HDAC9: variants seen among roughly 807,000 people sequenced by gnomAD.
HDAC9 encodes histone deacetylase 9, also known as MEF-2 interacting transcription repressor (MITR) protein.
Under a neutral mutation model 139.4 loss-of-function variants are expected in HDAC9, and 41 were observed. That is an observed-to-expected ratio of 0.29 (90% confidence interval 0.23 to 0.38). HDAC9 has a LOEUF of 0.38. HDAC9 is among the 10% of genes least tolerant of loss of function. The pLI is 1.00. For missense variants in HDAC9, 1,147 were observed against 1,297.0 expected (o/e 0.88, Z 1.78); for synonymous variants, 517 against 476.2 (o/e 1.09, Z -1.12).
intron 1 of HDAC9, among the ~76,000 whole-genome samples, chr7:18,108,904 C>T (rs1239627247): frequency 6.6e-6 from 1 of 152,144 alleles, no homozygotes; most frequent in Non-Finnish European, 1.5e-5. Context: ...CAGGTGTGAG[C>T]CACTGCGCCT....
chr7:18,743,647 A>G lies in HDAC9; in HGVS notation c.1910-5358A>G, dbSNP rs559930374. Among the ~76,000 whole-genome samples, 21 of 151,990 alleles carry G rather than the reference A, an allele frequency of 1.4e-4. No individual in the cohort carries two copies. The East Asian group carries it at 2.9e-3, about 21-fold the overall frequency. On this transcript the variant is annotated intron_variant, in intron 13 of 25. Coordinates refer to ENST00000686413, the MANE Select transcript of HDAC9 (RefSeq NM_178425.4). ...TTGCAGATAGTAAAATATAAACTGC[A>G]CTTCAGCCTAGGTGACAGAGTGAGA...
intron 25 of HDAC9, among the ~76,000 whole-genome samples, chr7:18,991,403 G>C (rs1785935093): frequency 6.6e-6 from 1 of 152,198 alleles, no homozygotes; most frequent in African/African-American, 2.4e-5. Context: ...TGCTTTGGGA[G>C]GCCGAGGCGG....
chr7:18,206,913 G>C (rs2128164272), intron 2 of HDAC9, among the ~76,000 whole-genome samples: 1 of 148,180 alleles, frequency 6.7e-6, no homozygotes, highest in Non-Finnish European at 1.5e-5. Context: ...TTCAAAAAAT[G>C]ATTCGAGATA....
At chr7:18,361,095 A>AT (rs372019463) in intron 1 of HDAC9, among the ~76,000 whole-genome samples, 12 of 150,356 alleles carry the variant, frequency 8.0e-5, no homozygotes, top group South Asian at 4.2e-4. Flanking sequence ...TAGCTAGCAA[A>AT]TTTTTTTTTT....
intron 2 of HDAC9, among the ~76,000 whole-genome samples, chr7:18,567,023 A>G (rs2128727628): frequency 6.6e-6 from 1 of 152,320 alleles, no homozygotes; most frequent in African/African-American, 2.4e-5. Context: ...TTTGCTAAAG[A>G]TGAGTTTTTC....
chr7:18,413,731 C>T (rs181369491), intron 1 of HDAC9, among the ~76,000 whole-genome samples: 1 of 152,176 alleles, frequency 6.6e-6, no homozygotes, highest in Admixed American at 6.5e-5. Flanking sequence ...AATCACTATT[C>T]TGTATACTGT....
chr7:18,777,686 C>T (rs1213850220), intron 16 of HDAC9, among the ~76,000 whole-genome samples: 1 of 151,906 alleles, frequency 6.6e-6, no homozygotes, highest in African/African-American at 2.4e-5. Flanking sequence ...TAGGATTATG[C>T]TTTAACCATT....
At chr7:18,180,444 TAAGATTG>T (rs1390536824) in intron 2 of HDAC9, among the ~76,000 whole-genome samples, 1 of 152,124 alleles carries the variant, frequency 6.6e-6, no homozygotes, top group Non-Finnish European at 1.5e-5. Flanking sequence ...AAGTCACTGA[TAAGATTG>T]ATGAGTATGA....
chr7:18,880,487 C>T (rs145919869), intron 22 of HDAC9, among the ~76,000 whole-genome samples: 1,568 of 152,110 alleles, frequency 0.01, 14 homozygotes, highest in South Asian at 0.018. Context: ...AAAGAACAAG[C>T]TCATGTCTTT....
intron 2 of HDAC9, among the ~76,000 whole-genome samples, chr7:18,182,592 A>G (rs947218962): frequency 3.3e-5 from 5 of 152,196 alleles, no homozygotes; most frequent in African/African-American, 4.8e-5. Context: ...CATTTTCTTT[A>G]TGTCAATGAA....
At position 18,163,737 on chromosome 7, in the gene HDAC9, A is replaced by G. The variant is rs573513508; in HGVS notation, c.25+1388A>G. On this transcript the variant is annotated intron_variant, in intron 2 of 12. Coordinates refer to the HDAC9 transcript ENST00000417496. ...ATGAACTTAAATTAACATTTACCTT[A>G]TATAGGTGTATATTGCATTTTAAAT... 2.0e-5 allele frequency among the ~76,000 whole-genome samples: 3 copies of G among 152,284 alleles called. No individual in the cohort carries two copies. The South Asian group carries it at 6.2e-4, about 32-fold the overall frequency.
At chr7:18,499,715 T>C (rs1797875298) in intron 2 of HDAC9, among the ~76,000 whole-genome samples, 1 of 152,184 alleles carries the variant, frequency 6.6e-6, no homozygotes, top group African/African-American at 2.4e-5. Flanking sequence ...ACAGAAGTAA[T>C]GTAAGATATA....
At chr7:18,150,635 C>G (rs559770428) in intron 1 of HDAC9, among the ~76,000 whole-genome samples, 27 of 152,222 alleles carry the variant, frequency 1.8e-4, no homozygotes, top group African/African-American at 6.5e-4. Context: ...CAAAAGGGAC[C>G]CTTACTTTAG....
intron 7 of HDAC9, among the ~76,000 whole-genome samples, chr7:18,629,688 G>C (rs1377510931): frequency 6.6e-6 from 1 of 152,084 alleles, no homozygotes; most frequent in African/African-American, 2.4e-5. Flanking sequence ...TGAAAAAACA[G>C]AAGTATGTGT....
At chr7:18,936,024 T>A in intron 23 of HDAC9, 82 bp downstream of exon 23, 1 of 1,365,598 alleles carries the variant, frequency 7.3e-7, no homozygotes, top group Non-Finnish European at 1.0e-6. Context: ...AAAAAAATTC[T>A]GCATACTCAG....
At chr7:18,783,745 G>A (rs976609945) in intron 16 of HDAC9, among the ~76,000 whole-genome samples, 2 of 150,134 alleles carry the variant, frequency 1.3e-5, no homozygotes, top group Non-Finnish European at 3.0e-5. Context: ...CAGAAGTTAT[G>A]CACTGCCAGG....
intron 23 of HDAC9, among the ~76,000 whole-genome samples, chr7:18,942,394 G>C (rs1291672440): frequency 6.6e-6 from 1 of 151,964 alleles, no homozygotes; most frequent in African/African-American, 2.4e-5. Context: ...TAGAGGAGAG[G>C]TATGTTGAGT....
intron 2 of HDAC9, among the ~76,000 whole-genome samples, chr7:18,251,724 CAAT>C (rs755875378): frequency 2.0e-5 from 3 of 152,096 alleles, no homozygotes; most frequent in Non-Finnish European, 4.4e-5. Context: ...TGTATCACAT[CAAT>C]ACTGTCATTA....
Position 18,267,986 on chromosome 7 carries a change from C to CAT in HDAC9, c.25+105639_25+105640dup, listed in dbSNP as rs148795458. Among the ~76,000 whole-genome samples the CAT allele has an allele frequency of 9.0e-3, 1,373 of 152,208 alleles. 10 individuals are homozygous for CAT. The highest frequency in any genetic ancestry group is 0.015 in the Non-Finnish European group (1,017 of 67,956). On this transcript the variant is annotated intron_variant, in intron 2 of 12. Transcript: ENST00000417496. ...TATTTCCAATTTTACTCTTTCTTTACATAGTACTTGATAGAATGCTGAGCA... is the reference window on the plus strand; with the variant it reads ...TATTTCCAATTTTACTCTTTCTTTACATATAGTACTTGATAGAATGCTGAGCA...
Sources: gnomAD v4.1 joint callset for allele counts (sites outside exome capture counted in the v4.1 genomes callset) on GRCh38, gnomAD v4.1.1 for gene constraint, MANE v1.5 for transcripts, NCBI Gene and HGNC (gene_info 2026-07-23, HGNC 2026-07-21) for gene names.